RNF150: variants seen among roughly 807,000 people sequenced by gnomAD.
The protein encoded by RNF150 is ring finger protein 150.
RNF150 carries 24 observed loss-of-function variants against 39.3 expected under a neutral mutation model. That is an observed-to-expected ratio of 0.61 (90% confidence interval 0.44 to 0.86). The LOEUF (loss-of-function observed/expected upper bound fraction) is 0.86. Among genes scored for constraint, RNF150 ranks in the 40% least tolerant of loss-of-function variants. The pLI is 0.00. For missense variants in RNF150, 502 were observed against 587.8 expected (o/e 0.85, Z 1.51); for synonymous variants, 255 against 227.3 (o/e 1.12, Z -1.10).
intron 1 of RNF150, among the ~76,000 whole-genome samples, chr4:141,042,683 A>G (rs1416163042): frequency 6.6e-6 from 1 of 152,118 alleles, no homozygotes; most frequent in Non-Finnish European, 1.5e-5. Context: ...CTAAAAATCA[A>G]TTTCTATTGA....
chr4:141,091,684 ATG>A (rs1376114305), intron 1 of RNF150, among the ~76,000 whole-genome samples: 1 of 152,184 alleles, frequency 6.6e-6, no homozygotes, highest in East Asian at 1.9e-4. Context: ...GACCAACTAG[ATG>A]ACCTAAGGTC....
chr4:141,053,030 C>T (rs1169697711), intron 1 of RNF150, among the ~76,000 whole-genome samples: 1 of 152,098 alleles, frequency 6.6e-6, no homozygotes, highest in East Asian at 1.9e-4. Flanking sequence ...ATAATAACCA[C>T]ACCCACCTAA....
At chr4:141,171,351 C>T (rs961093894) in intron 1 of RNF150, among the ~76,000 whole-genome samples, 1 of 152,064 alleles carries the variant, frequency 6.6e-6, no homozygotes, top group Non-Finnish European at 1.5e-5. Flanking sequence ...ATGTGAGTAT[C>T]GGACCCAATA....
intron 2 of RNF150, among the ~76,000 whole-genome samples, chr4:140,962,301 C>T (rs888068617): frequency 1.3e-5 from 2 of 151,938 alleles, no homozygotes; most frequent in East Asian, 1.9e-4. Context: ...ATAAAATAAA[C>T]TTTAAAATTC....
At chr4:141,192,317 A>G (rs953253764) in intron 1 of RNF150, among the ~76,000 whole-genome samples, 4 of 152,196 alleles carry the variant, frequency 2.6e-5, no homozygotes, top group Non-Finnish European at 5.9e-5. Flanking sequence ...TCAAAAATGC[A>G]AGATAGGAAA....
intron 1 of RNF150, among the ~76,000 whole-genome samples, chr4:141,008,479 A>G (rs890165034): frequency 2.0e-5 from 3 of 152,134 alleles, no homozygotes; most frequent in Admixed American, 1.3e-4. Context: ...TATTTAGGAA[A>G]TCTTTGTTTA....
intron 1 of RNF150, among the ~76,000 whole-genome samples, chr4:141,021,829 C>A (rs1370032039): frequency 6.6e-6 from 1 of 152,150 alleles, no homozygotes; most frequent in Non-Finnish European, 1.5e-5. Flanking sequence ...TGCCAAAGCC[C>A]CTCTGTCCCT....
At chr4:140,938,073 C>T (rs984394708) in intron 4 of RNF150, among the ~76,000 whole-genome samples, 5 of 152,074 alleles carry the variant, frequency 3.3e-5, no homozygotes, top group African/African-American at 9.7e-5. Context: ...GACTCATAAT[C>T]GGAATCCTCA....
chr4:140,910,160 C>T (rs546472136), intron 6 of RNF150, among the ~76,000 whole-genome samples: 1 of 152,084 alleles, frequency 6.6e-6, no homozygotes, highest in Non-Finnish European at 1.5e-5. Flanking sequence ...TGCTTTCATA[C>T]ATTTTATAAA....
chr4:141,183,606 A>AT (rs1727949272), intron 1 of RNF150, among the ~76,000 whole-genome samples: 1 of 152,050 alleles, frequency 6.6e-6, no homozygotes, highest in Non-Finnish European at 1.5e-5. Flanking sequence ...TTATATATGT[A>AT]TACATGTGCC....
intron 1 of RNF150, among the ~76,000 whole-genome samples, chr4:141,032,908 A>G (rs1356815051): frequency 6.6e-6 from 1 of 152,228 alleles, no homozygotes; most frequent in African/African-American, 2.4e-5. Context: ...AATGCTTACA[A>G]TCATCTGAGT....
intron 2 of RNF150, among the ~76,000 whole-genome samples, chr4:140,955,280 G>A (rs1001256959): frequency 1.1e-4 from 17 of 152,178 alleles, no homozygotes; most frequent in African/African-American, 3.6e-4. Flanking sequence ...ACCTCATAGA[G>A]TGGTGCCATA....
At chr4:141,022,534 G>A (rs770742711) in intron 1 of RNF150, among the ~76,000 whole-genome samples, 9 of 152,064 alleles carry the variant, frequency 5.9e-5, no homozygotes, top group Non-Finnish European at 1.0e-4. Context: ...TCAACCCAAA[G>A]GCAAAATACC....
chr4:141,209,946 C>A (rs770800312), intron 1 of RNF150, among the ~76,000 whole-genome samples: 1 of 152,068 alleles, frequency 6.6e-6, no homozygotes, highest in Non-Finnish European at 1.5e-5. Flanking sequence ...GTCATGGTTT[C>A]TATTAACTAT....
rs571060713 is a variant in RNF150, at chr4:141,013,765, G to A, written c.485-45892C>T. 1.7e-4 allele frequency among the ~76,000 whole-genome samples: 26 copies of A among 152,140 alleles called. 1 individual carries two copies. The highest frequency in any genetic ancestry group is 3.7e-4 in the Non-Finnish European group (25 of 68,018). On this transcript the variant is annotated intron_variant, in intron 1 of 6. Coordinates refer to ENST00000515673, the MANE Select transcript of RNF150 (RefSeq NM_020724.2). ...ATGTAACGTGAAGTTCTGATAGATG[G>A]AGACAGCGTGGCATGATTAAATCAA...
At chr4:140,979,658 C>T (rs1353431962) in intron 1 of RNF150, among the ~76,000 whole-genome samples, 1 of 151,768 alleles carries the variant, frequency 6.6e-6, no homozygotes, top group Non-Finnish European at 1.5e-5. Context: ...CCTTGGCTTC[C>T]ACTGGGGTCC....
chr4:140,977,045 T>C lies in RNF150; in HGVS notation c.485-9172A>G, dbSNP rs976443563. Among the ~76,000 whole-genome samples the C allele has an allele frequency of 3.3e-5, 5 of 151,938 alleles. No homozygotes were observed. In the East Asian group the frequency reaches 7.8e-4, roughly 24 times the overall value. ...ATCAGTGATGTTACCACAGAAGTCG[T>C]TGAGAAAAAATACCCACAAGAGGCA... On this transcript the variant is annotated intron_variant, in intron 1 of 6. Coordinates refer to ENST00000515673, the MANE Select transcript of RNF150 (RefSeq NM_020724.2).
At chr4:140,915,970 C>G (rs1193559603) in intron 5 of RNF150, among the ~76,000 whole-genome samples, 3 of 152,202 alleles carry the variant, frequency 2.0e-5, no homozygotes, top group Non-Finnish European at 4.4e-5. Flanking sequence ...CTCCAACAGA[C>G]CTGCAGCTGA....
At chr4:141,147,567 G>GGAAT (rs1727223846) in intron 1 of RNF150, among the ~76,000 whole-genome samples, 1 of 152,174 alleles carries the variant, frequency 6.6e-6, no homozygotes, top group Non-Finnish European at 1.5e-5. Context: ...CAAGGCAGAG[G>GGAAT]GAATGGATTT....
Sources: allele counts gnomAD v4.1 joint callset (sites outside exome capture counted in the v4.1 genomes callset), GRCh38; gene constraint gnomAD v4.1.1; transcripts MANE v1.5; gene names NCBI Gene and HGNC (gene_info 2026-07-23, HGNC 2026-07-21).